ANXA2: variants seen among roughly 807,000 people sequenced by gnomAD.
ANXA2 encodes the protein annexin A2, also known as annexin II.
In ANXA2, 28 loss-of-function variants were observed where a neutral mutation model predicts 47.3. The observed-to-expected ratio is 0.59, with a 90% confidence interval of 0.44 to 0.81. The LOEUF (loss-of-function observed/expected upper bound fraction) is 0.81, where lower values mean the gene tolerates loss of function less well. Ranked by LOEUF, ANXA2 falls within the 40% of genes least tolerant of loss-of-function variation. The pLI, the probability that ANXA2 is intolerant of heterozygous loss-of-function variation, is 0.00. For missense variants in ANXA2, 384 were observed against 414.3 expected (o/e 0.93, Z 0.64); for synonymous variants, 172 against 155.5 (o/e 1.11, Z -0.79).
At chr15:60,359,118 G>C (rs551321677) in intron 5 of ANXA2, among the ~76,000 whole-genome samples, 24 of 152,252 alleles carry the variant, frequency 1.6e-4, no homozygotes, top group Non-Finnish European at 3.1e-4. Context: ...GTCACTTCAA[G>C]CTTTATGGAT....
At chr15:60,356,922 C>G (rs2062439518) in intron 6 of ANXA2, among the ~76,000 whole-genome samples, 1 of 152,226 alleles carries the variant, frequency 6.6e-6, no homozygotes, top group African/African-American at 2.4e-5. Flanking sequence ...TACCCTTCTT[C>G]TAACACAGAA....
intron 4 of ANXA2, among the ~76,000 whole-genome samples, chr15:60,362,196 A>G (rs918495303): frequency 6.6e-6 from 1 of 152,146 alleles, no homozygotes; most frequent in African/African-American, 2.4e-5. Flanking sequence ...TTATAACACC[A>G]GTCTCCCAGT....
chr15:60,393,761 A>G (rs181901060), intron 1 of ANXA2: 2 of 886,116 alleles, frequency 2.3e-6, no homozygotes, highest in African/African-American at 3.6e-5. Context: ...TTACATGTGT[A>G]AAGTCTGTCT....
intron 5 of ANXA2, among the ~76,000 whole-genome samples, chr15:60,360,331 G>A (rs775618700): frequency 6.6e-6 from 1 of 152,190 alleles, no homozygotes; most frequent in Non-Finnish European, 1.5e-5. Context: ...CCAATCTACA[G>A]TTTTTACTTA....
intron 1 of ANXA2, among the ~76,000 whole-genome samples, chr15:60,388,715 G>A (rs576478722): frequency 1.3e-5 from 2 of 148,270 alleles, no homozygotes; most frequent in South Asian, 4.3e-4. Flanking sequence ...GATTACAGGG[G>A]TTAGCCACCA....
intron 3 of ANXA2, among the ~76,000 whole-genome samples, chr15:60,368,988 C>T (rs1455810728): frequency 1.3e-5 from 2 of 151,968 alleles, no homozygotes; most frequent in African/African-American, 4.8e-5. Flanking sequence ...ATTTCTCTTT[C>T]TATTTCATAA....
chr15:60,387,712 C>T (rs2062951746), intron 1 of ANXA2, among the ~76,000 whole-genome samples: 1 of 152,132 alleles, frequency 6.6e-6, no homozygotes, highest in Admixed American at 6.5e-5. Context: ...ACAGTGAATG[C>T]TAATGTAAAC....
intron 1 of ANXA2, among the ~76,000 whole-genome samples, chr15:60,388,696 A>G (rs929631441): frequency 2.0e-5 from 3 of 151,182 alleles, no homozygotes; most frequent in African/African-American, 7.3e-5. Flanking sequence ...TAGCCTACCA[A>G]AGCACTGAGA....
At chr15:60,355,558 T>G in intron 7 of ANXA2, 1 of 354,236 alleles carries the variant, frequency 2.8e-6, no homozygotes, top group Non-Finnish European at 5.4e-6. Flanking sequence ...GTAAACGCAG[T>G]GAAAAAGAAA....
At position 60,372,632 on chromosome 15, in the gene ANXA2, G is replaced by A. The variant is rs541423597; in HGVS notation, c.149-8109C>T. On this transcript the variant is annotated intron_variant, in intron 3 of 12. Transcript: ENST00000451270. ...TCCAGTAGAAAAGATAACCCCAAAG[G>A]TTGTGGCTTCACTACCCTATAGGAC... is the stretch of plus-strand genomic sequence containing the variant. Among the ~76,000 whole-genome samples the A allele has an allele frequency of 2.6e-5, 4 of 151,338 alleles. No homozygotes were observed. The East Asian group carries it at 7.8e-4, about 29-fold the overall frequency.
chr15:60,354,862 G>C (rs1343356681), intron 7 of ANXA2, among the ~76,000 whole-genome samples: 2 of 152,132 alleles, frequency 1.3e-5, no homozygotes, highest in Non-Finnish European at 2.9e-5. Context: ...GGAATATGTG[G>C]AAACAAATGT....
At chr15:60,365,917 T>C (rs1303703767) in intron 3 of ANXA2, among the ~76,000 whole-genome samples, 3 of 129,172 alleles carry the variant, frequency 2.3e-5, no homozygotes, top group Non-Finnish European at 4.9e-5. Flanking sequence ...TGGACGGTAC[T>C]GCTGCCATCT....
chr15:60,393,018 G>A (rs995061641), intron 1 of ANXA2: 1 of 1,284,810 alleles, frequency 7.8e-7, no homozygotes, highest in Non-Finnish European at 1.0e-6. Flanking sequence ...CCCACCTACT[G>A]CATCTTTATT....
At chr15:60,366,405 A>G (rs8031656) in intron 3 of ANXA2, among the ~76,000 whole-genome samples, 116,227 of 147,368 alleles carry the variant, frequency 0.79, 46,160 homozygotes, top group African/African-American at 0.87. Context: ...AGTGAGGAGC[A>G]TCTCTGCGCG....
At chr15:60,359,529 C>T (rs1225742648) in intron 5 of ANXA2, among the ~76,000 whole-genome samples, 1 of 152,184 alleles carries the variant, frequency 6.6e-6, no homozygotes, top group African/African-American at 2.4e-5. Flanking sequence ...GAAACTCAGA[C>T]AAGTCCGCTA....
Position 60,351,229 on chromosome 15 carries a change from G to C in ANXA2, c.801C>G (p.Pro267=). The change falls in exon 11 of 13, where the codon CCC becomes CCG. Residue 267 remains proline (P), a synonymous_variant. Transcript: ENST00000451270. ...CATACAGCCGATCAGCAAAATACAG[G>C]GGCTTGTTCTGAATGCACTGAACTG... ...LNLVQCIQNK[P]LYFADRLYDS... is the part of the protein sequence containing the mutation. 1 of 1,614,176 alleles carries C rather than the reference G, an allele frequency of 6.2e-7. No individual in the cohort carries two copies. The highest frequency in any genetic ancestry group is 1.1e-5 in the South Asian group (1 of 91,082).
chr15:60,357,283 C>G, intron 5 of ANXA2, 47 bp from the exon 6 acceptor site: 1 of 1,483,366 alleles, frequency 6.7e-7, no homozygotes, highest in Non-Finnish European at 9.4e-7. Flanking sequence ...GCTTCCCCAC[C>G]ATTAGCCTAC....
chr15:60,391,737 ACTC>A (rs1417491690), intron 1 of ANXA2, among the ~76,000 whole-genome samples: 13 of 152,060 alleles, frequency 8.5e-5, no homozygotes, highest in Non-Finnish European at 1.5e-4. Flanking sequence ...ACCTCTACTC[ACTC>A]CTCATCACCG....
At chr15:60,393,723 C>G (rs1456213308) in intron 1 of ANXA2, 2 of 975,286 alleles carry the variant, frequency 2.1e-6, no homozygotes, top group South Asian at 4.7e-5. Flanking sequence ...GCTTCTGCAG[C>G]TTTTTGTGTG....
Sources: allele counts gnomAD v4.1 joint callset (sites outside exome capture counted in the v4.1 genomes callset), GRCh38; gene constraint gnomAD v4.1.1; transcripts MANE v1.5; gene names NCBI Gene and HGNC (gene_info 2026-07-23, HGNC 2026-07-21).